Variants in UTRN observed in about 807,000 individuals in gnomAD.
UTRN encodes the protein utrophin, also known as dystrophin-related protein 1.
UTRN carries 283 observed loss-of-function variants against 463.9 expected under a neutral mutation model. That is an observed-to-expected ratio of 0.61 (90% confidence interval 0.55 to 0.67). The LOEUF is 0.67. Among genes scored for constraint, UTRN ranks in the 30% least tolerant of loss-of-function variants. UTRN has a pLI of 0.00. For missense variants in UTRN, 3,922 were observed against 4,084.3 expected (o/e 0.96, Z 1.08); for synonymous variants, 1,442 against 1,431.5 (o/e 1.01, Z -0.17).
intron 2 of UTRN, among the ~76,000 whole-genome samples, chr6:144,338,592 G>A (rs538645044): frequency 3.0e-4 from 45 of 152,264 alleles, no homozygotes; most frequent in Non-Finnish European, 5.4e-4. Context: ...AACCTTTAAG[G>A]ATTTTGAAGC....
chr6:144,338,605 G>A (rs1240939356), intron 2 of UTRN, among the ~76,000 whole-genome samples: 2 of 152,112 alleles, frequency 1.3e-5, no homozygotes, highest in Non-Finnish European at 2.9e-5. Context: ...TTTGAAGCTG[G>A]GCAGGTGCAG....
chr6:144,748,557 T>C, intron 55 of UTRN, 43 bp downstream of exon 55: 1 of 1,585,782 alleles, frequency 6.3e-7, no homozygotes, highest in Non-Finnish European at 8.6e-7. Context: ...AAATGTTTTC[T>C]TGTTAAATAT....
chr6:144,525,933 T>C (rs1562526266), intron 41 of UTRN, among the ~76,000 whole-genome samples: 1 of 152,206 alleles, frequency 6.6e-6, no homozygotes, highest in Non-Finnish European at 1.5e-5. Flanking sequence ...TTGATTTCAT[T>C]GATGACCCAA....
At chr6:144,828,684 A>G (rs2128756810) in intron 68 of UTRN, 106 bp from the exon 69 acceptor site, 4 of 1,117,376 alleles carry the variant, frequency 3.6e-6, no homozygotes, top group Non-Finnish European at 4.0e-6. Flanking sequence ...GGATCTTTCT[A>G]TGTTTTGTCA....
chr6:144,672,080 T>G (rs936129045), intron 51 of UTRN, among the ~76,000 whole-genome samples: 5 of 152,150 alleles, frequency 3.3e-5, no homozygotes, highest in African/African-American at 1.2e-4. Context: ...TTGAGGATTT[T>G]TGCATCTGTG....
intron 2 of UTRN, among the ~76,000 whole-genome samples, chr6:144,307,441 G>A (rs902801294): frequency 6.6e-6 from 1 of 152,200 alleles, no homozygotes; most frequent in African/African-American, 2.4e-5. Context: ...TCTCAAAGGA[G>A]ACCTATGACT....
intron 43 of UTRN, among the ~76,000 whole-genome samples, chr6:144,533,702 A>G (rs1260271747): frequency 6.9e-6 from 1 of 145,222 alleles, no homozygotes; most frequent in East Asian, 2.1e-4. Flanking sequence ...TGCCAATAAT[A>G]AAGTTCTTCA....
intron 2 of UTRN, among the ~76,000 whole-genome samples, chr6:144,393,790 G>A (rs1297217217): frequency 6.6e-6 from 1 of 152,202 alleles, no homozygotes; most frequent in South Asian, 2.1e-4. Flanking sequence ...AAATGATGGG[G>A]TGTAGTAAAG....
chr6:144,649,791 ACTAGC>A (rs1268610353), intron 51 of UTRN, among the ~76,000 whole-genome samples: 8 of 152,278 alleles, frequency 5.3e-5, no homozygotes, highest in Non-Finnish European at 8.8e-5. Context: ...CTACTAGTAT[ACTAGC>A]TTTAATGAGG....
At chr6:144,380,958 C>G (rs1357936532) in intron 2 of UTRN, among the ~76,000 whole-genome samples, 1 of 152,096 alleles carries the variant, frequency 6.6e-6, no homozygotes, top group Non-Finnish European at 1.5e-5. Flanking sequence ...GCACCTTGCC[C>G]TCTAAAGCAA....
chr6:144,538,053 GATT>G (rs1377704683), intron 44 of UTRN, among the ~76,000 whole-genome samples: 4 of 152,060 alleles, frequency 2.6e-5, no homozygotes, highest in Admixed American at 2.6e-4. Context: ...GAAAATTACT[GATT>G]ATTGTCTATA....
In UTRN at chr6:144,441,577, G is replaced by A. The variant is rs1392288664; in HGVS notation, c.1512+1106G>A. ...TCATGGGTCAGTGTTGAGTGTCTGC[G>A]GCTTTTCCAGGTGCATAGTGCAAGC... On this transcript the variant is annotated intron_variant, in intron 13 of 74. Transcript: ENST00000367545. Among the ~76,000 whole-genome samples the A allele has an allele frequency of 3.3e-5, 5 of 152,160 alleles. No homozygotes were observed. In the East Asian group the frequency reaches 7.7e-4, roughly 23 times the overall value.
intron 46 of UTRN, among the ~76,000 whole-genome samples, chr6:144,546,611 G>A (rs1195463193): frequency 6.6e-6 from 1 of 151,824 alleles, no homozygotes; most frequent in African/African-American, 2.4e-5. Context: ...GACCAGCCTG[G>A]GTAACATAGG....
intron 51 of UTRN, among the ~76,000 whole-genome samples, chr6:144,618,633 T>C (rs1585597056): frequency 1.3e-5 from 2 of 152,282 alleles, no homozygotes; most frequent in Admixed American, 1.3e-4. Flanking sequence ...TTAATTTTAT[T>C]TACCCATCTA....
intron 51 of UTRN, among the ~76,000 whole-genome samples, chr6:144,580,149 G>A (rs758198019): frequency 6.6e-6 from 1 of 152,144 alleles, no homozygotes; most frequent in African/African-American, 2.4e-5. Flanking sequence ...ATGGAGAGAC[G>A]TTTGTTGGAG....
At chr6:144,479,468 A>C (rs1791624271) in intron 25 of UTRN, among the ~76,000 whole-genome samples, 1 of 151,930 alleles carries the variant, frequency 6.6e-6, no homozygotes, top group Non-Finnish European at 1.5e-5. Context: ...TTCCATTATA[A>C]GTAGTGCTAC....
At chr6:144,447,857 T>A in intron 16 of UTRN, 76 bp downstream of exon 16, 1 of 1,437,912 alleles carries the variant, frequency 7.0e-7, no homozygotes, top group Non-Finnish European at 9.3e-7. Flanking sequence ...TAGTTTTAAT[T>A]TGTATGAAAT....
chr6:144,732,214 TTATA>T (rs1174420940), intron 54 of UTRN, among the ~76,000 whole-genome samples: 27 of 92,300 alleles, frequency 2.9e-4, no homozygotes, highest in African/African-American at 6.0e-4. Context: ...GTACTCTGTT[TTATA>T]TATATATATA....
intron 51 of UTRN, among the ~76,000 whole-genome samples, chr6:144,588,447 A>G (rs572240117): frequency 6.6e-6 from 1 of 152,348 alleles, no homozygotes; most frequent in South Asian, 2.1e-4. Context: ...AATACATTCT[A>G]TAAGGTAGCA....
Sources: gnomAD v4.1 joint callset for allele counts (sites outside exome capture counted in the v4.1 genomes callset) on GRCh38, gnomAD v4.1.1 for gene constraint, MANE v1.5 for transcripts, NCBI Gene and HGNC (gene_info 2026-07-23, HGNC 2026-07-21) for gene names.